Variants in ZDHHC14 observed in about 807,000 individuals in gnomAD.
The protein encoded by ZDHHC14 is palmitoyltransferase ZDHHC14.
In ZDHHC14, 16 loss-of-function variants were observed where a neutral mutation model predicts 47.7. The ratio of observed to expected loss-of-function variants is 0.34; its 90% CI spans 0.23 to 0.51. The LOEUF (loss-of-function observed/expected upper bound fraction) is 0.51, where lower values mean the gene tolerates loss of function less well. ZDHHC14 is among the 20% of genes least tolerant of loss of function. The pLI, the probability that ZDHHC14 is intolerant of heterozygous loss-of-function variation, is 0.97. For missense variants in ZDHHC14, 515 were observed against 662.5 expected (o/e 0.78, Z 2.44); for synonymous variants, 293 against 278.9 (o/e 1.05, Z -0.50).
intron 3 of ZDHHC14, among the ~76,000 whole-genome samples, chr6:157,610,011 A>C (rs894920623): frequency 2.6e-5 from 4 of 152,212 alleles, no homozygotes; most frequent in Admixed American, 1.3e-4. Flanking sequence ...GAATCATTGA[A>C]GTTCATCACA....
chr6:157,500,860 G>C (rs1780177380), intron 1 of ZDHHC14, among the ~76,000 whole-genome samples: 1 of 152,146 alleles, frequency 6.6e-6, no homozygotes, highest in Non-Finnish European at 1.5e-5. Flanking sequence ...TGCTTGCTTT[G>C]TATCACCTTT....
intron 1 of ZDHHC14, among the ~76,000 whole-genome samples, chr6:157,428,812 T>C (rs1778278472): frequency 6.6e-6 from 1 of 152,220 alleles, no homozygotes; most frequent in Non-Finnish European, 1.5e-5. Flanking sequence ...TGGTTTGTTC[T>C]GAGCAGTCAG....
At chr6:157,466,154 G>T (rs1779211691) in intron 1 of ZDHHC14, among the ~76,000 whole-genome samples, 1 of 152,200 alleles carries the variant, frequency 6.6e-6, no homozygotes, top group Admixed American at 6.5e-5. Flanking sequence ...CTCTCTGAGC[G>T]CACTCATGCT....
chr6:157,458,848 G>GTTTTTTTTTTTTT (rs1778990291), intron 1 of ZDHHC14, among the ~76,000 whole-genome samples: 1 of 68,782 alleles, frequency 1.5e-5, no homozygotes, highest in African/African-American at 5.5e-5. Context: ...AATGTGGGTG[G>GTTTTTTTTTTTTT]ATTTTTTTTT....
chr6:157,543,037 T>C (rs1377710456), intron 2 of ZDHHC14, among the ~76,000 whole-genome samples: 1 of 152,226 alleles, frequency 6.6e-6, no homozygotes, highest in East Asian at 1.9e-4. Context: ...GATTCCACTC[T>C]ACTAAGCAGC....
chr6:157,643,650 AATATATATATAT>A lies in ZDHHC14; in HGVS notation c.753-2072_753-2061del, dbSNP rs3056787. ...GCAACAAAAGCAAAACTTCATCTCA[AATATATATATAT>A]ATATATATATATATGCTGTATTTTT... On this transcript the variant is annotated intron_variant, in intron 5 of 8. Coordinates refer to ENST00000359775, the MANE Select transcript of ZDHHC14 (RefSeq NM_024630.3). 5.0e-4 allele frequency among the ~76,000 whole-genome samples: 36 copies of A among 72,536 alleles called. 4 individuals are homozygous for A. The highest frequency in any genetic ancestry group is 7.5e-4 in the Non-Finnish European group (25 of 33,520). The allele number at this position is 72,536 out of a possible 152,430, so 47.6% of individuals were successfully genotyped here.
intron 1 of ZDHHC14, among the ~76,000 whole-genome samples, chr6:157,478,136 C>T (rs2114833269): frequency 6.6e-6 from 1 of 152,156 alleles, no homozygotes; most frequent in South Asian, 2.1e-4. Flanking sequence ...AATTTAAGAC[C>T]ACGTCATTGG....
At chr6:157,492,529 C>T (rs1378629441) in intron 1 of ZDHHC14, among the ~76,000 whole-genome samples, 1 of 152,198 alleles carries the variant, frequency 6.6e-6, no homozygotes, top group African/African-American at 2.4e-5. Context: ...GGGGCAGACT[C>T]CTGCTCTTTT....
chr6:157,412,765 G>A (rs924010136), intron 1 of ZDHHC14, among the ~76,000 whole-genome samples: 6 of 152,316 alleles, frequency 3.9e-5, no homozygotes, highest in East Asian at 1.9e-4. Flanking sequence ...GTAGGTGCAC[G>A]CCCACGTCAG....
chr6:157,507,974 A>G (rs1780371544), intron 1 of ZDHHC14, among the ~76,000 whole-genome samples: 1 of 152,246 alleles, frequency 6.6e-6, no homozygotes, highest in African/African-American at 2.4e-5. Flanking sequence ...CAAGTTGGGT[A>G]TACAAATATG....
At chr6:157,453,423 C>A in intron 1 of ZDHHC14, among the ~76,000 whole-genome samples, 1 of 152,212 alleles carries the variant, frequency 6.6e-6, no homozygotes. Flanking sequence ...GACCACTCTG[C>A]AGCTGCCTTT....
intron 2 of ZDHHC14, among the ~76,000 whole-genome samples, chr6:157,558,827 T>C (rs1436283210): frequency 2.6e-5 from 4 of 151,104 alleles, no homozygotes; most frequent in Non-Finnish European, 5.9e-5. Flanking sequence ...GTTCAAGTAA[T>C]GTAGATCAGA....
At chr6:157,669,264 A>G (rs1428115221) in intron 8 of ZDHHC14, among the ~76,000 whole-genome samples, 2 of 151,074 alleles carry the variant, frequency 1.3e-5, no homozygotes, top group African/African-American at 4.9e-5. Flanking sequence ...AGAGGTGATC[A>G]GGGGAGAGGA....
chr6:157,490,233 G>T (rs1042143795), intron 1 of ZDHHC14, among the ~76,000 whole-genome samples: 3 of 152,204 alleles, frequency 2.0e-5, no homozygotes, highest in Admixed American at 6.5e-5. Context: ...ATTACTGTGG[G>T]TGTCTCTAAA....
intron 3 of ZDHHC14, among the ~76,000 whole-genome samples, chr6:157,606,132 C>T (rs1028317351): frequency 6.6e-5 from 10 of 152,132 alleles, no homozygotes; most frequent in African/African-American, 1.2e-4. Flanking sequence ...TGCCTCAGAC[C>T]GGGCATTTTC....
At chr6:157,522,890 A>ATCCTTCCTTCCTTCCT (rs1170981998) in intron 1 of ZDHHC14, among the ~76,000 whole-genome samples, 1 of 25,710 alleles carries the variant, frequency 3.9e-5, no homozygotes, top group Admixed American at 4.6e-4. Context: ...TCTTCCTACC[A>ATCCTTCCTTCCTTCCT]TCCTTCCTTC....
At position 157,413,923 on chromosome 6, in the gene ZDHHC14, C is replaced by CTAT. The variant is rs66804075; in HGVS notation, c.245+31680_245+31682dup. Reference sequence around the variant, plus strand: ...GTCACCCAGCACATTTCTCTCTGTGCTATTATTATTATTATTATTATTATT... The same window carrying CTAT: ...GTCACCCAGCACATTTCTCTCTGTGCTATTATTATTATTATTATTATTATTATT... On this transcript the variant is annotated intron_variant, in intron 1 of 8. Coordinates refer to ENST00000359775, the MANE Select transcript of ZDHHC14 (RefSeq NM_024630.3). Among the ~76,000 whole-genome samples, 27 of 150,020 alleles carry CTAT rather than the reference C, an allele frequency of 1.8e-4. No homozygotes were observed. The East Asian group carries it at 4.1e-3, about 23-fold the overall frequency.
chr6:157,422,851 G>A (rs140813370), intron 1 of ZDHHC14, among the ~76,000 whole-genome samples: 2,853 of 152,204 alleles, frequency 0.019, 81 homozygotes, highest in African/African-American at 0.064. Flanking sequence ...AAAACAGAGT[G>A]GCTCTTCCCA....
chr6:157,465,641 G>C (rs1236990387), intron 1 of ZDHHC14, among the ~76,000 whole-genome samples: 2 of 152,048 alleles, frequency 1.3e-5, no homozygotes, highest in Non-Finnish European at 2.9e-5. Flanking sequence ...AGTCTTCTGT[G>C]TAGTGCCATG....
Sources: gnomAD v4.1 joint callset for allele counts (sites outside exome capture counted in the v4.1 genomes callset) on GRCh38, gnomAD v4.1.1 for gene constraint, MANE v1.5 for transcripts, NCBI Gene and HGNC (gene_info 2026-07-23, HGNC 2026-07-21) for gene names.